Variants in CLYBL observed in about 807,000 individuals in gnomAD.
CLYBL encodes citramalyl-CoA lyase, mitochondrial.
Under a neutral mutation model 38.9 loss-of-function variants are expected in CLYBL, and 31 were observed. The ratio of observed to expected loss-of-function variants is 0.80; its 90% CI spans 0.60 to 1.08. The LOEUF (loss-of-function observed/expected upper bound fraction) is 1.08, where lower values mean the gene tolerates loss of function less well. Ranked by LOEUF, CLYBL falls within the 50% of genes least tolerant of loss-of-function variation. The probability of loss-of-function intolerance (pLI) is 0.00; values close to 1 mark genes in which losing one functional copy is unlikely to be tolerated. For missense variants in CLYBL, 434 were observed against 411.6 expected, an observed-to-expected ratio of 1.05 and a Z score of -0.47; for synonymous variants, 171 against 158.6, an observed-to-expected ratio of 1.08 and a Z score of -0.59.
intron 1 of CLYBL, among the ~76,000 whole-genome samples, chr13:99,740,959 TATG>T (rs1207190176): frequency 6.6e-6 from 1 of 152,130 alleles, no homozygotes; most frequent in African/African-American, 2.4e-5. Flanking sequence ...AGTAAAGAAA[TATG>T]ATATTTATAA....
intron 7 of CLYBL, among the ~76,000 whole-genome samples, chr13:99,876,998 C>T (rs1236652583): frequency 6.6e-6 from 1 of 152,180 alleles, no homozygotes; most frequent in Non-Finnish European, 1.5e-5. Flanking sequence ...GCCCTGCCCT[C>T]ATCCCCCAGC....
At chr13:99,616,411 A>G (rs949656696) in intron 1 of CLYBL, among the ~76,000 whole-genome samples, 1 of 152,054 alleles carries the variant, frequency 6.6e-6, no homozygotes, top group African/African-American at 2.4e-5. Flanking sequence ...GCACATATAT[A>G]TTTGTATGTG....
chr13:99,645,558 T>C (rs1000152884), intron 1 of CLYBL, among the ~76,000 whole-genome samples: 3 of 152,126 alleles, frequency 2.0e-5, no homozygotes, highest in Non-Finnish European at 4.4e-5. Context: ...AGTTTTGATT[T>C]GCATTTCTGT....
chr13:99,869,028 TAAC>T lies in CLYBL; in HGVS notation c.803-1906_803-1904del, dbSNP rs1171587214. ...TTGCACCCTCTCAGTAACTTGTCAA[TAAC>T]AACTCTTTTGTATAAAATATTTGCC... On this transcript the variant is annotated intron_variant, in intron 6 of 8. Transcript: ENST00000339105. This position sits in a 1 kb window ranked among gnomAD's most constrained non-coding sequence, Gnocchi z 4.3. 1.3e-5 allele frequency among the ~76,000 whole-genome samples: 2 copies of T among 152,178 alleles called. No individual in the cohort carries two copies. Among genetic ancestry groups the T allele is most frequent in the African/African-American group, 4.8e-5 (2 of 41,452 alleles).
At chr13:99,822,554 A>G (rs2050609090) in intron 2 of CLYBL, among the ~76,000 whole-genome samples, 2 of 152,212 alleles carry the variant, frequency 1.3e-5, no homozygotes, top group African/African-American at 4.8e-5. Context: ...AGCAGACCTT[A>G]GCGAGTCTAG....
chr13:99,789,256 C>G (rs893160189), intron 2 of CLYBL, among the ~76,000 whole-genome samples: 1 of 152,104 alleles, frequency 6.6e-6, no homozygotes, highest in Non-Finnish European at 1.5e-5. Flanking sequence ...AGTTTGTTTG[C>G]TCTTGCTTCT....
chr13:99,757,203 T>G (rs998099578), intron 1 of CLYBL, among the ~76,000 whole-genome samples: 4 of 152,142 alleles, frequency 2.6e-5, no homozygotes, highest in African/African-American at 9.7e-5. Flanking sequence ...CCCGGCCAAG[T>G]GTTATATATT....
chr13:99,706,195 G>A (rs992053525), intron 1 of CLYBL, among the ~76,000 whole-genome samples: 1 of 152,046 alleles, frequency 6.6e-6, no homozygotes, highest in Non-Finnish European at 1.5e-5. Flanking sequence ...CTCCCAAAGT[G>A]CTGGCATTAC....
intron 1 of CLYBL, among the ~76,000 whole-genome samples, chr13:99,632,086 C>A (rs546713010): frequency 6.6e-6 from 1 of 151,956 alleles, no homozygotes; most frequent in Non-Finnish European, 1.5e-5. Context: ...TACTGTATTG[C>A]GATGTTAGAG....
chr13:99,741,512 C>A (rs2048754532), intron 1 of CLYBL, among the ~76,000 whole-genome samples: 1 of 152,164 alleles, frequency 6.6e-6, no homozygotes, highest in Non-Finnish European at 1.5e-5. Flanking sequence ...ACAGGAAATA[C>A]CTCTCAACAC....
At chr13:99,797,556 C>CTCTG (rs775220789) in intron 2 of CLYBL, among the ~76,000 whole-genome samples, 14 of 37,514 alleles carry the variant, frequency 3.7e-4, no homozygotes, top group South Asian at 3.4e-3. Flanking sequence ...GCCATGTTAG[C>CTCTG]TGTTTGTGTG....
At chr13:99,815,643 T>C (rs1392918315) in intron 2 of CLYBL, among the ~76,000 whole-genome samples, 1 of 152,162 alleles carries the variant, frequency 6.6e-6, no homozygotes, top group Non-Finnish European at 1.5e-5. Context: ...CCCAATACTT[T>C]GGGAGGCCGA....
intron 1 of CLYBL, among the ~76,000 whole-genome samples, chr13:99,638,194 A>G (rs2047049417): frequency 6.6e-6 from 1 of 152,110 alleles, no homozygotes; most frequent in African/African-American, 2.4e-5. Context: ...CTGGGCTCAA[A>G]TGGTCCCCCT....
chr13:99,891,176 CT>C, intron 7 of CLYBL, 141 bp from the exon 8 acceptor site: 2 of 630,670 alleles, frequency 3.2e-6, no homozygotes, highest in Non-Finnish European at 5.6e-6. Flanking sequence ...CTGTAATTTA[CT>C]TTGGCTTTCT....
chr13:99,896,060 C>T (rs1017068970), downstream of CLYBL: 1 of 151,230 alleles, frequency 6.6e-6, no homozygotes, highest in African/African-American at 2.4e-5. Flanking sequence ...TGCGGAGCCC[C>T]GAGGCCTCGT....
At chr13:99,902,773 T>G (rs1216566269) in intron 8 of CLYBL, among the ~76,000 whole-genome samples, 1 of 152,236 alleles carries the variant, frequency 6.6e-6, no homozygotes, top group African/African-American at 2.4e-5. Context: ...AGTAAAACCT[T>G]CCTTTTAAGT....
At chr13:99,803,931 T>C (rs1363259359) in intron 2 of CLYBL, among the ~76,000 whole-genome samples, 1 of 152,146 alleles carries the variant, frequency 6.6e-6, no homozygotes, top group Non-Finnish European at 1.5e-5. Context: ...AAACCACACC[T>C]GAAGGCTGGA....
At chr13:99,725,083 C>T (rs78686740) in intron 1 of CLYBL, among the ~76,000 whole-genome samples, 3,528 of 152,272 alleles carry the variant, frequency 0.023, 152 homozygotes, top group African/African-American at 0.08. Flanking sequence ...TAGCATTTCT[C>T]GGGCCTACTT....
At chr13:99,689,671 A>G (rs2047871171) in intron 1 of CLYBL, among the ~76,000 whole-genome samples, 1 of 152,210 alleles carries the variant, frequency 6.6e-6, no homozygotes, top group African/African-American at 2.4e-5. Flanking sequence ...ACTGTTATTT[A>G]CTATTACTTT....
Sources: allele counts gnomAD v4.1 joint callset (sites outside exome capture counted in the v4.1 genomes callset), GRCh38; gene constraint gnomAD v4.1.1; non-coding constraint Gnocchi (gnomAD v3.1); transcripts MANE v1.5; gene names NCBI Gene and HGNC (gene_info 2026-07-23, HGNC 2026-07-21).